Variants in SLC12A3 observed in about 807,000 individuals in gnomAD.
SLC12A3 encodes the protein Na-Cl cotransporter.
SLC12A3 carries 104 observed loss-of-function variants against 121.0 expected under a neutral mutation model. The observed-to-expected ratio is 0.86, with a 90% confidence interval of 0.73 to 1.01. The LOEUF (loss-of-function observed/expected upper bound fraction) is 1.01. Among genes scored for constraint, SLC12A3 ranks in the 50% least tolerant of loss-of-function variants. The probability of loss-of-function intolerance (pLI) is 0.00; values close to 1 mark genes in which losing one functional copy is unlikely to be tolerated. For synonymous variants in SLC12A3, 536 were observed against 533.4 expected (o/e 1.00, Z -0.07); for missense variants, 1,328 against 1,356.3 (o/e 0.98, Z 0.33).
At chr16:56,877,417 TA>T (rs2055177728) in intron 8 of SLC12A3, among the ~76,000 whole-genome samples, 1 of 151,792 alleles carries the variant, frequency 6.6e-6, no homozygotes, top group Non-Finnish European at 1.5e-5. Context: ...AAAATAAAAA[TA>T]AAAAATAATT....
intron 14 of SLC12A3, 124 bp downstream of exon 14, chr16:56,884,328 C>A: frequency 1.0e-6 from 1 of 980,680 alleles, no homozygotes; most frequent in Admixed American, 2.0e-5. Flanking sequence ...CCCCTCTCTG[C>A]CCCTCCCCTT....
rs2055436825 is a variant in SLC12A3, at chr16:56,894,585, G to C, written c.2576G>C (p.Cys859Ser). 3 of 1,614,018 alleles carry C rather than the reference G, an allele frequency of 1.9e-6. No individual in the cohort carries two copies. Among genetic ancestry groups the C allele is most frequent in the Non-Finnish European group, 2.5e-6 (3 of 1,180,006 alleles). Residue 859 changes from cysteine to serine, a missense_variant, in exon 22 of 26, where the codon TGC (cysteine) becomes TCC (serine). Cys to Ser is a moderately radical substitution (Grantham distance 112). Transcript: ENST00000563236. ...LLGRKRRWSK[C>S]KIRVFVGGQI... Reference sequence around the variant, plus strand: ...GGCCGCAAGAGGAGGTGGAGCAAATGCAAGATCCGTGTGTTCGTAGGCGGC... The same window carrying C: ...GGCCGCAAGAGGAGGTGGAGCAAATCCAAGATCCGTGTGTTCGTAGGCGGC...
intron 23 of SLC12A3, among the ~76,000 whole-genome samples, chr16:56,900,678 A>C (rs555135023): frequency 6.6e-6 from 1 of 152,140 alleles, no homozygotes; most frequent in African/African-American, 2.4e-5. Context: ...TTACAGGAGC[A>C]CACCACTGTG....
chr16:56,879,212 C>G lies in SLC12A3; in HGVS notation c.1320C>G (p.Leu440=), dbSNP rs1325665936. 6.2e-7 allele frequency: 1 copy of G among 1,613,978 alleles called. No homozygotes were observed. The highest frequency in any genetic ancestry group is 8.5e-7 in the Non-Finnish European group (1 of 1,180,032). Residue 440 remains leucine, a synonymous_variant, in exon 10 of 26, where the codon CTC becomes CTG. Transcript: ENST00000563236. ...CTQQHSCHYG[L]INYYQTMSMV... ...AGCAGCACAGCTGCCACTACGGCCT[C>G]ATCAACTATTACCAGGTACTGCCAG...
chr16:56,904,788 G>A (rs1386596412), intron 25 of SLC12A3: 1 of 372,296 alleles, frequency 2.7e-6, no homozygotes, highest in Non-Finnish European at 5.2e-6. Context: ...TCTTTCAAGA[G>A]GGACATCAAC....
intron 18 of SLC12A3, 45 bp downstream of exon 18, chr16:56,888,076 C>A (rs1177306177): frequency 1.4e-6 from 2 of 1,425,596 alleles, no homozygotes; most frequent in Non-Finnish European, 2.0e-6. Context: ...TTAATTTGGG[C>A]CCATTGGGCC....
chr16:56,904,208 G>A, intron 24 of SLC12A3, 187 bp from the exon 25 acceptor site: 1 of 605,056 alleles, frequency 1.7e-6, no homozygotes, highest in Non-Finnish European at 3.1e-6. Flanking sequence ...AGGTGAGCTT[G>A]GTGCTCCATT....
At chr16:56,879,371 G>C (rs572529701) in intron 10 of SLC12A3, 144 bp downstream of exon 10, 1 of 1,197,070 alleles carries the variant, frequency 8.4e-7, no homozygotes, top group Non-Finnish European at 1.2e-6. Flanking sequence ...CAGAGCCCAG[G>C]TCTGTCCAGT....
At chr16:56,904,937 C>T (rs7189077) in intron 25 of SLC12A3, 10,620 of 274,998 alleles carry the variant, frequency 0.039, 1,144 homozygotes, top group African/African-American at 0.22. Context: ...CAGTTCTGAG[C>T]CACCCCTGGG....
chr16:56,879,731 T>C, intron 11 of SLC12A3, 82 bp downstream of exon 11: 1 of 990,246 alleles, frequency 1.0e-6, no homozygotes, highest in Non-Finnish European at 1.6e-6. Flanking sequence ...CCTGGGTGAC[T>C]GCTACAAACA....
intron 12 of SLC12A3, among the ~76,000 whole-genome samples, chr16:56,881,324 G>T (rs2055237020): frequency 6.6e-6 from 1 of 152,194 alleles, no homozygotes; most frequent in African/African-American, 2.4e-5. Context: ...GAGGTGGCAG[G>T]GATGGAAAAG....
At position 56,899,615 on chromosome 16, in the gene SLC12A3, C is replaced by G. The variant is rs370485111; in HGVS notation, c.2719C>G (p.His907Asp). 1 of 1,612,354 alleles carries G rather than the reference C, an allele frequency of 6.2e-7. No homozygotes were observed. Among genetic ancestry groups the G allele is most frequent in the East Asian group, 2.2e-5 (1 of 44,872 alleles). The change falls in exon 23 of 26, where the codon CAC (histidine) becomes GAC (aspartate). Residue 907 changes from histidine (H) to aspartate (D), a missense_variant and splice_region_variant. Physicochemically the swap from His to Asp is moderately conservative, Grantham distance 81 (BLOSUM62 -1). Coordinates refer to ENST00000563236, the MANE Select transcript of SLC12A3 (RefSeq NM_001126108.2). ...PDINQNPRAE[H>D]TKRFEDMIAP... ...CATCAACCAGAACCCTCGGGCTGAG[C>G]AGTAAGTTCTGTTTTGGGGCTTCCA...
At chr16:56,869,981 G>C in intron 4 of SLC12A3, 115 bp from the exon 5 acceptor site, 1 of 1,438,706 alleles carries the variant, frequency 7.0e-7, no homozygotes, top group Non-Finnish European at 9.7e-7. Flanking sequence ...GATGGCCTCA[G>C]CTATCTCCTG....
chr16:56,887,930 A>T lies in SLC12A3; in HGVS notation c.2184A>T (p.Ala728=). The change falls in exon 18 of 26, where the codon GCA becomes GCT. Residue 728 remains alanine (A), a synonymous_variant. Coordinates refer to ENST00000563236, the MANE Select transcript of SLC12A3 (RefSeq NM_001126108.2). ...RRGVQILMQA[A]GLGRMKPNIL... ...TCACCCCTATCCCCTGGCAGGCCGC[A>T]GGTCTCGGGAGAATGAAGCCCAACA... 6.2e-7 allele frequency: 1 copy of T among 1,610,566 alleles called. No homozygotes were observed. The highest frequency in any genetic ancestry group is 1.1e-5 in the South Asian group (1 of 91,002).
chr16:56,901,347 C>CTCTTTTTTTTTTTTTT (rs1555502273), intron 23 of SLC12A3, among the ~76,000 whole-genome samples: 1 of 128,904 alleles, frequency 7.8e-6, no homozygotes, highest in African/African-American at 3.3e-5. Flanking sequence ...CTCTCTCTCT[C>CTCTTTTTTTTTTTTTT]TTTTTTTTTT....
chr16:56,913,251 T>C lies in SLC12A3; in HGVS notation c.2925-13T>C. 1 of 1,614,190 alleles carries C rather than the reference T, an allele frequency of 6.2e-7. No homozygotes were observed. ...TGGTAATCTCTCTTCTACCACTTTT[T>C]CATGCCTTGCAGCACTTTGCCCATA... On this transcript the variant is annotated splice_polypyrimidine_tract_variant and intron_variant, in intron 25 of 25. Transcript: ENST00000563236.
chr16:56,886,843 C>A lies in SLC12A3; in HGVS notation c.2038-110C>A, dbSNP rs148659533. ...CTTATCTGGGCAAAAGAAAAGGGCA[C>A]CGTGGGTGCTGCCAAGCCCCTGGGG... On this transcript the variant is annotated intron_variant, in intron 16 of 25. Transcript: ENST00000563236. 3.4e-6 allele frequency: 5 copies of A among 1,452,424 alleles called. No homozygotes were observed. In the Admixed American group the frequency reaches 5.6e-5, roughly 16 times the overall value. The allele number at this position is 1,452,424 out of a possible 1,614,324, so 90.0% of individuals were successfully genotyped here.
At chr16:56,903,376 C>A (rs1451452589) in intron 24 of SLC12A3, among the ~76,000 whole-genome samples, 5 of 152,118 alleles carry the variant, frequency 3.3e-5, no homozygotes, top group African/African-American at 1.2e-4. Context: ...GGGCAAGGGC[C>A]GGGTCCTACT....
chr16:56,865,225 C>G lies in SLC12A3; in HGVS notation c.-11C>G, dbSNP rs1387709549. The G allele has an allele frequency of 6.2e-7, 1 of 1,613,166 alleles. No homozygotes were observed. Among genetic ancestry groups the G allele is most frequent in the Non-Finnish European group, 8.5e-7 (1 of 1,179,940 alleles). On this transcript the variant is annotated 5_prime_UTR_variant, in exon 1 of 26. Coordinates refer to ENST00000563236, the MANE Select transcript of SLC12A3 (RefSeq NM_001126108.2). ...GCGGATCCTGGCCCCTCCCTGGACA[C>G]CCAGGCGACAATGGCAGAACTGCCC...
Sources: allele counts gnomAD v4.1 joint callset (sites outside exome capture counted in the v4.1 genomes callset), GRCh38; gene constraint gnomAD v4.1.1; transcripts MANE v1.5; gene names NCBI Gene and HGNC (gene_info 2026-07-23, HGNC 2026-07-21).